The following SHISA6 variants were observed in gnomAD, a reference collection of about 807,000 sequenced individuals.
The protein encoded by SHISA6 is protein shisa-6.
SHISA6 carries 22 observed loss-of-function variants against 47.9 expected under a neutral mutation model. That is an observed-to-expected ratio of 0.46 (90% CI 0.33 to 0.66). SHISA6 has a LOEUF of 0.66. Ranked by LOEUF, SHISA6 falls within the 30% of genes least tolerant of loss-of-function variation. The pLI, the probability that SHISA6 is intolerant of heterozygous loss-of-function variation, is 0.02. For synonymous variants in SHISA6, 388 were observed against 337.8 expected (o/e 1.15, Z -1.63); for missense variants, 680 against 764.6 (o/e 0.89, Z 1.30).
chr17:11,312,536 T>G (rs1386412976), intron 2 of SHISA6, among the ~76,000 whole-genome samples: 2 of 152,178 alleles, frequency 1.3e-5, no homozygotes, highest in Non-Finnish European at 2.9e-5. Flanking sequence ...CTCACCTCCT[T>G]TTTTACTCCT....
chr17:11,411,170 C>T (rs964766863), intron 3 of SHISA6, among the ~76,000 whole-genome samples: 3 of 151,754 alleles, frequency 2.0e-5, no homozygotes, highest in African/African-American at 7.3e-5. Context: ...GGGTTTCACC[C>T]TGTTAGCCCG....
chr17:11,261,581 G>T lies in SHISA6; in HGVS notation c.639-1785G>T, dbSNP rs1434670099. On this transcript the variant is annotated intron_variant, in intron 1 of 5. Transcript: ENST00000441885. ...ACAGAAGCATGGTCTTTTATGGTGTGCTTCTTTCACTTAGCATGATGTTTT... is the reference window on the plus strand; with the variant it reads ...ACAGAAGCATGGTCTTTTATGGTGTTCTTCTTTCACTTAGCATGATGTTTT... 3.0e-4 allele frequency among the ~76,000 whole-genome samples: 46 copies of T among 152,240 alleles called. 1 individual carries two copies. The highest frequency in any genetic ancestry group is 3.0e-3 in the Admixed American group (46 of 15,288).
intron 2 of SHISA6, among the ~76,000 whole-genome samples, chr17:11,292,337 C>T (rs1446651651): frequency 6.6e-6 from 1 of 152,074 alleles, no homozygotes; most frequent in African/African-American, 2.4e-5. Flanking sequence ...CTCCCTATGT[C>T]CGTGTGTTCT....
chr17:11,461,548 G>C (rs1597528907), intron 3 of SHISA6, among the ~76,000 whole-genome samples: 2 of 152,302 alleles, frequency 1.3e-5, no homozygotes, highest in Middle Eastern at 6.8e-3. Context: ...ACATGGGGAA[G>C]CACCAGGATA....
intron 3 of SHISA6, among the ~76,000 whole-genome samples, chr17:11,491,982 G>A (rs958781647): frequency 6.6e-6 from 1 of 152,074 alleles, no homozygotes; most frequent in Non-Finnish European, 1.5e-5. Context: ...TGTTGGTCAG[G>A]ATGGTCTCGA....
At chr17:11,396,562 A>G (rs1301350716) in intron 3 of SHISA6, among the ~76,000 whole-genome samples, 1 of 152,234 alleles carries the variant, frequency 6.6e-6, no homozygotes, top group East Asian at 1.9e-4. Flanking sequence ...AGGAATCGCC[A>G]CACTGTCTTC....
At chr17:11,273,224 G>A (rs752252856) in intron 2 of SHISA6, among the ~76,000 whole-genome samples, 9 of 152,176 alleles carry the variant, frequency 5.9e-5, no homozygotes, top group African/African-American at 9.7e-5. Context: ...TGATCTGGGC[G>A]CTAAACACAG....
intron 1 of SHISA6, among the ~76,000 whole-genome samples, chr17:11,244,315 T>C (rs1907491816): frequency 1.3e-5 from 2 of 152,076 alleles, no homozygotes; most frequent in African/African-American, 4.8e-5. Flanking sequence ...GCCTGTTGGG[T>C]AGGGGACAAT....
chr17:11,434,836 G>A (rs1445852471), intron 3 of SHISA6, among the ~76,000 whole-genome samples: 1 of 152,194 alleles, frequency 6.6e-6, no homozygotes, highest in Non-Finnish European at 1.5e-5. Context: ...ACAGGGAAGG[G>A]AGAATGTATG....
chr17:11,404,152 C>T (rs529758734), intron 3 of SHISA6, among the ~76,000 whole-genome samples: 2 of 152,340 alleles, frequency 1.3e-5, no homozygotes, highest in Admixed American at 6.5e-5. Context: ...GCTCGTGATG[C>T]AGGCAATTCT....
In SHISA6 at chr17:11,439,236, A is replaced by G. The variant is rs16944731; in HGVS notation, c.895+59727A>G. Among the ~76,000 whole-genome samples, 741 of 152,326 alleles carry G rather than the reference A, an allele frequency of 4.9e-3. 6 individuals carry two copies. Among genetic ancestry groups the G allele is most frequent in the African/African-American group, 0.017 (713 of 41,574 alleles). Reference sequence around the variant, plus strand: ...GGAGAAAAAAGCACATGTAACCTCGAAGAGGAATGCATAGATGCGGTCAAG... The same window carrying G: ...GGAGAAAAAAGCACATGTAACCTCGGAGAGGAATGCATAGATGCGGTCAAG... On this transcript the variant is annotated intron_variant, in intron 3 of 5. Coordinates refer to ENST00000441885, the MANE Select transcript of SHISA6 (RefSeq NM_207386.4).
rs1440642673 is a variant in SHISA6 at position 11,543,954 on chromosome 17, C to T, written c.896-7942C>T. ...AAAAAAAGAACTTCAATGTAAGTCT[C>T]CTACCTCATATAAAAATTAACTCAA... On this transcript the variant is annotated intron_variant, in intron 3 of 5. Coordinates refer to ENST00000441885, the MANE Select transcript of SHISA6 (RefSeq NM_207386.4). Among the ~76,000 whole-genome samples the T allele has an allele frequency of 2.0e-5, 3 of 148,206 alleles. No homozygotes were observed. The East Asian group carries it at 5.9e-4, about 29-fold the overall frequency.
chr17:11,451,674 G>T (rs986512348), intron 3 of SHISA6, among the ~76,000 whole-genome samples: 19 of 152,264 alleles, frequency 1.2e-4, no homozygotes, highest in African/African-American at 4.3e-4. Flanking sequence ...CACATCCCAG[G>T]GTGGGTATGC....
chr17:11,316,724 CT>C (rs1442049342), intron 2 of SHISA6, among the ~76,000 whole-genome samples: 3 of 152,070 alleles, frequency 2.0e-5, no homozygotes, highest in Non-Finnish European at 4.4e-5. Flanking sequence ...CCGGCCCATC[CT>C]TCTCTTTTAT....
intron 2 of SHISA6, among the ~76,000 whole-genome samples, chr17:11,316,577 C>G (rs950917170): frequency 6.6e-6 from 1 of 151,852 alleles, no homozygotes; most frequent in Non-Finnish European, 1.5e-5. Context: ...CGTGCCACCA[C>G]GCCCGGCTAA....
intron 3 of SHISA6, among the ~76,000 whole-genome samples, chr17:11,541,742 T>TTAA (rs2142379364): frequency 6.6e-6 from 1 of 152,278 alleles, no homozygotes; most frequent in South Asian, 2.1e-4. Flanking sequence ...TAAGATGCCT[T>TTAA]TAAGCTACCC....
chr17:11,295,126 A>C (rs1909702749), intron 2 of SHISA6, among the ~76,000 whole-genome samples: 1 of 152,196 alleles, frequency 6.6e-6, no homozygotes, highest in African/African-American at 2.4e-5. Context: ...TACTCAGAAT[A>C]GGTGAGCAAA....
intron 3 of SHISA6, among the ~76,000 whole-genome samples, chr17:11,524,967 G>T (rs868862508): frequency 6.6e-6 from 1 of 152,110 alleles, no homozygotes; most frequent in Admixed American, 6.5e-5. Flanking sequence ...ATGACGGGGG[G>T]GTAGATGATC....
rs137943213 is a variant in SHISA6, at chr17:11,503,325, C to T, written c.896-48571C>T. ...GCGAAAACTTAGCCACCAAATATAACTTAAACGAAGCAAAAACAGGCTCCC... is the reference window on the plus strand; with the variant it reads ...GCGAAAACTTAGCCACCAAATATAATTTAAACGAAGCAAAAACAGGCTCCC... On this transcript the variant is annotated intron_variant, in intron 3 of 5. Coordinates refer to ENST00000441885, the MANE Select transcript of SHISA6 (RefSeq NM_207386.4). Among the ~76,000 whole-genome samples, 3 of 151,618 alleles carry T rather than the reference C, an allele frequency of 2.0e-5. No individual in the cohort carries two copies. The East Asian group carries it at 5.9e-4, about 30-fold the overall frequency.
Sources: gnomAD v4.1 joint callset for allele counts (sites outside exome capture counted in the v4.1 genomes callset) on GRCh38, gnomAD v4.1.1 for gene constraint, MANE v1.5 for transcripts, NCBI Gene and HGNC (gene_info 2026-07-23, HGNC 2026-07-21) for gene names.